Variants in IL1RAPL2 observed in about 807,000 individuals in gnomAD.
IL1RAPL2 encodes interleukin 1 receptor accessory protein like 2.
In IL1RAPL2, 3 loss-of-function variants were observed where a neutral mutation model predicts 44.1. The ratio of observed to expected loss-of-function variants is 0.07; its 90% CI spans 0.03 to 0.18. IL1RAPL2 has a LOEUF of 0.18. Among genes scored for constraint, IL1RAPL2 ranks in the 10% least tolerant of loss-of-function variants. The pLI is 1.00. For missense variants in IL1RAPL2, 391 were observed against 496.4 expected (o/e 0.79, Z 2.02); for synonymous variants, 181 against 178.8 (o/e 1.01, Z -0.10).
intron 2 of IL1RAPL2, among the ~76,000 whole-genome samples, chrX:105,033,774 T>C (rs912524246): frequency 1.1e-4 from 12 of 111,904 alleles, no homozygotes; most frequent in African/African-American, 3.9e-4. Flanking sequence ...TTGACCTGCC[T>C]TGCTAGATTG....
chrX:104,777,321 A>G (rs1375640847), intron 2 of IL1RAPL2, among the ~76,000 whole-genome samples: 3 of 110,472 alleles, frequency 2.7e-5, no homozygotes, highest in African/African-American at 9.9e-5. Context: ...TTTGTGACTA[A>G]CTTATTTCAC....
At chrX:105,709,857 A>C (rs1172484639) in intron 6 of IL1RAPL2, among the ~76,000 whole-genome samples, 1 of 111,631 alleles carries the variant, frequency 9.0e-6, no homozygotes, top group Non-Finnish European at 1.9e-5. Flanking sequence ...CATTCAACCT[A>C]GATAAAATTC....
intron 2 of IL1RAPL2, among the ~76,000 whole-genome samples, chrX:104,668,606 A>T (rs1384700847): frequency 9.2e-6 from 1 of 108,967 alleles, no homozygotes; most frequent in Non-Finnish European, 1.9e-5. Flanking sequence ...AATTTAAAAA[A>T]AACTGAGTAA....
intron 3 of IL1RAPL2, among the ~76,000 whole-genome samples, chrX:105,199,675 A>G (rs2147614309): frequency 8.9e-6 from 1 of 111,825 alleles, no homozygotes; most frequent in East Asian, 2.8e-4. Flanking sequence ...ATACCATATG[A>G]GTCAGAGGTT....
chrX:105,177,365 C>T (rs2033484727), intron 2 of IL1RAPL2, among the ~76,000 whole-genome samples: 1 of 110,342 alleles, frequency 9.1e-6, no homozygotes, highest in Admixed American at 9.8e-5. Flanking sequence ...AGCTCAGGTC[C>T]CACTGATTCT....
chrX:104,844,755 T>C (rs1922005464), intron 2 of IL1RAPL2, among the ~76,000 whole-genome samples: 1 of 111,912 alleles, frequency 8.9e-6, no homozygotes, highest in Non-Finnish European at 1.9e-5. Context: ...TTAAAACTTT[T>C]TCCAAATGAA....
At chrX:105,532,444 T>A (rs986625322) in intron 6 of IL1RAPL2, among the ~76,000 whole-genome samples, 12 of 111,354 alleles carry the variant, frequency 1.1e-4, no homozygotes, top group Non-Finnish European at 2.3e-4. Flanking sequence ...TCATTTACCT[T>A]TATCCTTAGA....
At chrX:105,743,841 A>T (rs193291132) in intron 8 of IL1RAPL2, among the ~76,000 whole-genome samples, 4 of 112,347 alleles carry the variant, frequency 3.6e-5, no homozygotes, top group Admixed American at 2.8e-4. Context: ...AGAAGATTTG[A>T]TCTGTGATTT....
chrX:105,563,763 C>T (rs1465629725), intron 6 of IL1RAPL2, among the ~76,000 whole-genome samples: 1 of 110,775 alleles, frequency 9.0e-6, no homozygotes, highest in Non-Finnish European at 1.9e-5. Context: ...AAAAGAAAGA[C>T]AAGGAAATCC....
chrX:104,947,679 T>C (rs1177963592), intron 2 of IL1RAPL2, among the ~76,000 whole-genome samples: 2 of 110,588 alleles, frequency 1.8e-5, no homozygotes, highest in African/African-American at 6.6e-5. Flanking sequence ...AGGGAATCCT[T>C]TCCCCATTTC....
At chrX:104,676,338 T>C (rs1023246000) in intron 2 of IL1RAPL2, among the ~76,000 whole-genome samples, 3 of 111,424 alleles carry the variant, frequency 2.7e-5, no homozygotes, top group African/African-American at 9.8e-5. Context: ...GTAAAGGATT[T>C]TATTTCTCCT....
At chrX:105,005,719 T>C (rs927624666) in intron 2 of IL1RAPL2, among the ~76,000 whole-genome samples, 1 of 110,848 alleles carries the variant, frequency 9.0e-6, no homozygotes, top group African/African-American at 3.3e-5. Context: ...GAACTCTTCA[T>C]AAAGAATAGT....
intron 2 of IL1RAPL2, among the ~76,000 whole-genome samples, chrX:105,008,616 G>T (rs1029537572): frequency 9.0e-6 from 1 of 111,118 alleles, no homozygotes; most frequent in South Asian, 3.8e-4. Context: ...ATGGATTAAA[G>T]ACTTACATGT....
At chrX:105,315,828 C>T (rs980699310) in intron 5 of IL1RAPL2, among the ~76,000 whole-genome samples, 2 of 105,860 alleles carry the variant, frequency 1.9e-5, no homozygotes, top group African/African-American at 6.7e-5. Flanking sequence ...AGCAGTTACT[C>T]TCCATCTCCC....
chrX:105,120,431 G>T (rs2032911698), intron 2 of IL1RAPL2, among the ~76,000 whole-genome samples: 1 of 110,578 alleles, frequency 9.0e-6, no homozygotes, highest in African/African-American at 3.3e-5. Flanking sequence ...ATATTTATTT[G>T]AATTCAAATT....
chrX:105,542,765 G>A (rs1439421109), intron 6 of IL1RAPL2, among the ~76,000 whole-genome samples: 3 of 90,733 alleles, frequency 3.3e-5, no homozygotes, highest in Non-Finnish European at 4.2e-5. Context: ...ACGGAGTCTC[G>A]CTCTGTCGCC....
intron 2 of IL1RAPL2, among the ~76,000 whole-genome samples, chrX:104,845,227 A>G (rs1468174058): frequency 8.9e-6 from 1 of 111,825 alleles, no homozygotes; most frequent in Non-Finnish European, 1.9e-5. Flanking sequence ...TGTTTTGGCT[A>G]CCTGAAAAAA....
chrX:105,220,848 A>G (rs1556181088), intron 3 of IL1RAPL2, among the ~76,000 whole-genome samples: 1 of 112,118 alleles, frequency 8.9e-6, no homozygotes, highest in Non-Finnish European at 1.9e-5. Context: ...AGGTCGGAAG[A>G]AACAGGAGTG....
chrX:105,415,774 T>C (rs16984753), intron 5 of IL1RAPL2, among the ~76,000 whole-genome samples: 7,227 of 111,176 alleles, frequency 0.065, 569 homozygotes, highest in African/African-American at 0.22. Context: ...ACGATCTGCA[T>C]TGAAATAGGA....
Sources: allele counts gnomAD v4.1 joint callset (sites outside exome capture counted in the v4.1 genomes callset), GRCh38; gene constraint gnomAD v4.1.1; transcripts MANE v1.5; gene names NCBI Gene and HGNC (gene_info 2026-07-23, HGNC 2026-07-21).